The following CP variants were observed in gnomAD, a reference collection of about 807,000 sequenced individuals.
CP encodes caeruloplasmin.
Under a neutral mutation model 122.4 loss-of-function variants are expected in CP, and 64 were observed. The ratio of observed to expected loss-of-function variants is 0.52; its 90% confidence interval spans 0.43 to 0.64. The LOEUF is 0.64. Ranked by LOEUF, CP falls within the 30% of genes least tolerant of loss-of-function variation. CP has a pLI of 0.00. For synonymous variants in CP, 440 were observed against 436.4 expected (o/e 1.01, Z -0.10); for missense variants, 1,167 against 1,284.4 (o/e 0.91, Z 1.40).
Position 149,182,044 on chromosome 3 carries a change from C to T in CP, c.2515G>A (p.Val839Ile), listed in dbSNP as rs756179366. 7 of 1,492,498 alleles carry T rather than the reference C, an allele frequency of 4.7e-6. No individual in the cohort carries two copies. Among genetic ancestry groups the T allele is most frequent in the Non-Finnish European group, 6.3e-6 (7 of 1,108,032 alleles). 92.5% of individuals were successfully genotyped at this position (1,492,498 alleles called of 1,614,324 possible). ...GTAACTGTAGAACTCTCTGTTTGTA[C>T]CCCATGGGCATGTATTGAGTAGGGC... Reference protein sequence around the residue: ...TRPYSIHAHGVQTESSTVTPT... With the variant: ...TRPYSIHAHGIQTESSTVTPT... Residue 839 changes from valine to isoleucine, a missense_variant, in exon 14 of 19, where the codon GTA becomes ATA. Physicochemically the swap from Val to Ile is conservative, Grantham distance 29. Coordinates refer to ENST00000264613, the MANE Select transcript of CP (RefSeq NM_000096.4).
intron 12 of CP, among the ~76,000 whole-genome samples, chr3:149,184,547 G>C (rs1726025633): frequency 1.3e-5 from 2 of 152,146 alleles, no homozygotes; most frequent in South Asian, 4.1e-4. Flanking sequence ...TGTGGTCAGC[G>C]CATGATGTAA....
chr3:149,199,731 A>C lies in CP; in HGVS notation c.1482T>G (p.Asn494Lys), dbSNP rs1727170149. Residue 494 changes from asparagine (N) to lysine (K), a missense_variant, in exon 8 of 19, where the codon AAT becomes AAG. Around this residue, in one of 2 missense-constraint regions of CP, gnomAD observed 642 missense variants for 627.3 expected, o/e 1.02. Coordinates refer to ENST00000264613, the MANE Select transcript of CP (RefSeq NM_000096.4). ...KNNEGTYYSP[N>K]YNPQSRSVPP... is the part of the protein sequence containing the mutation. Reference sequence around the variant, plus strand: ...ACTCACTTCTGCTCTGGGGGTTGTAATTTGGGGAATAGTATGTGCCCTCGT... The same window carrying C: ...ACTCACTTCTGCTCTGGGGGTTGTACTTTGGGGAATAGTATGTGCCCTCGT... 6.2e-7 allele frequency: 1 copy of C among 1,614,030 alleles called. No homozygotes were observed. Among genetic ancestry groups the C allele is most frequent in the Admixed American group, 1.7e-5 (1 of 60,012 alleles).
intron 9 of CP, among the ~76,000 whole-genome samples, chr3:149,197,716 G>A (rs1271107031): frequency 3.3e-5 from 5 of 152,172 alleles, no homozygotes; most frequent in Admixed American, 2.6e-4. Flanking sequence ...AGATCATCAG[G>A]CATAAATTCT....
rs1012793502 is a variant in CP at position 149,214,972 on chromosome 3, C to T, written c.147-2274G>A. Among the ~76,000 whole-genome samples the T allele has an allele frequency of 2.0e-5, 3 of 152,274 alleles. No individual in the cohort carries two copies. In the East Asian group the frequency reaches 5.8e-4, roughly 29 times the overall value. On this transcript the variant is annotated intron_variant, in intron 1 of 18. Coordinates refer to ENST00000264613, the MANE Select transcript of CP (RefSeq NM_000096.4). The stretch of plus-strand genomic sequence containing the variant: ...CAATTCCACTCTGGTCCCACCGGAA[C>T]CCTGGACCAATCAATCTCACAGAGA...
intron 1 of CP, 103 bp downstream of exon 1, chr3:149,221,544 G>A: frequency 2.7e-6 from 3 of 1,109,890 alleles, no homozygotes; most frequent in Non-Finnish European, 3.8e-6. Context: ...ACATTTTGCA[G>A]TTTCTGTATA....
At chr3:149,168,432 A>G (rs1450007952), downstream of CP, 1 of 178,870 alleles carries the variant, frequency 5.6e-6, no homozygotes, top group African/African-American at 2.4e-5. Context: ...TTTACAGCAT[A>G]GTAGTTATTT....
intron 6 of CP, among the ~76,000 whole-genome samples, chr3:149,203,028 T>G (rs1403521349): frequency 1.4e-5 from 2 of 148,100 alleles, no homozygotes; most frequent in Admixed American, 6.8e-5. Context: ...TGCCTCAGCC[T>G]CCCGAGTAGC....
Position 149,209,203 on chromosome 3 carries a change from A to T in CP, c.781+8T>A. On this transcript the variant is annotated splice_region_variant and intron_variant, in intron 4 of 18. Coordinates refer to ENST00000264613, the MANE Select transcript of CP (RefSeq NM_000096.4). ...AAAGTAAAGTTAACATGTCTGCTGT[A>T]ATCTTACAATACATTCTGTTACTCT... is the stretch of plus-strand genomic sequence containing the variant. The T allele has an allele frequency of 6.2e-7, 1 of 1,613,534 alleles. No individual in the cohort carries two copies. Among genetic ancestry groups the T allele is most frequent in the East Asian group, 2.2e-5 (1 of 44,794 alleles).
At chr3:149,207,943 AAAC>A (rs952026582) in intron 4 of CP, among the ~76,000 whole-genome samples, 5 of 152,226 alleles carry the variant, frequency 3.3e-5, no homozygotes, top group African/African-American at 1.2e-4. Flanking sequence ...ACATACATAT[AAAC>A]AAAACACACA....
chr3:149,207,567 C>T lies in CP; in HGVS notation c.832G>A (p.Glu278Lys). Residue 278 changes from glutamate to lysine, a missense_variant, in exon 5 of 19, where the codon GAA becomes AAA. Glu to Lys is a moderately conservative substitution (Grantham distance 56). Coordinates refer to ENST00000264613, the MANE Select transcript of CP (RefSeq NM_000096.4). Reference sequence around the variant, plus strand: ...AAAAGGTACCATTTTACTCTGTCTTCAGCACACATGGAGAGTCCTGGGAGA... The same window carrying T: ...AAAAGGTACCATTTTACTCTGTCTTTAGCACACATGGAGAGTCCTGGGAGA... ...GSLPGLSMCA[E>K]DRVKWYLFGM... is the part of the protein sequence containing the mutation. 6.2e-7 allele frequency: 1 copy of T among 1,613,974 alleles called. No homozygotes were observed. Among genetic ancestry groups the T allele is most frequent in the South Asian group, 1.1e-5 (1 of 91,086 alleles).
chr3:149,202,908 CT>C (rs34145911), intron 6 of CP, among the ~76,000 whole-genome samples: 1,212 of 110,288 alleles, frequency 0.011, 24 homozygotes, highest in African/African-American at 0.035. Flanking sequence ...CATGCCTGGC[CT>C]TTTTTTTTTT....
Position 149,187,886 on chromosome 3 carries a change from T to C in CP, c.1864+166A>G, listed in dbSNP as rs1726278192. The C allele has an allele frequency of 5.7e-6, 4 of 705,786 alleles. No individual in the cohort carries two copies. In the East Asian group the frequency reaches 1.0e-4, roughly 18 times the overall value. 43.7% of individuals were successfully genotyped at this position (705,786 alleles called of 1,614,324 possible). ...TGAATTAAGTGAAATAATGGATAAC[T>C]GACAGACACATCAAATAACCAGTGA... On this transcript the variant is annotated intron_variant, in intron 10 of 18. Coordinates refer to ENST00000264613, the MANE Select transcript of CP (RefSeq NM_000096.4).
At chr3:149,220,755 G>A (rs974912608) in intron 1 of CP, among the ~76,000 whole-genome samples, 1 of 152,062 alleles carries the variant, frequency 6.6e-6, no homozygotes, top group Non-Finnish European at 1.5e-5. Context: ...GCAGCTGATG[G>A]TCATTGGGCT....
Position 149,212,664 on chromosome 3 carries a change from C to A in CP, c.181G>T (p.Asp61Tyr), listed in dbSNP as rs1576783306. The stretch of plus-strand genomic sequence containing the variant: ...TTCTTATATAGTCTCCCAATTCTAT[C>A]TGGGCCATTTTGAAGATAGATATTG... ...HSNIYLQNGP[D>Y]RIGRLYKKAL... Residue 61 changes from aspartate to tyrosine, a missense_variant, in exon 2 of 19, where the codon GAT becomes TAT. Asp to Tyr is a radical substitution (Grantham distance 160). Transcript: ENST00000264613. The A allele has an allele frequency of 8.1e-6, 13 of 1,613,832 alleles. No homozygotes were observed. The highest frequency in any genetic ancestry group is 1.0e-5 in the Non-Finnish European group (12 of 1,179,936).
chr3:149,220,692 T>C (rs1728753503), intron 1 of CP, among the ~76,000 whole-genome samples: 1 of 152,168 alleles, frequency 6.6e-6, no homozygotes, highest in African/African-American at 2.4e-5. Flanking sequence ...TAAGATTCAA[T>C]AATTACAAAC....
intron 18 of CP, among the ~76,000 whole-genome samples, chr3:149,175,667 G>GTGTGTGTGTGTGTT (rs1230199343): frequency 6.8e-6 from 1 of 147,324 alleles, no homozygotes; most frequent in Non-Finnish European, 1.5e-5. Flanking sequence ...CATTTTAAGT[G>GTGTGTGTGTGTGTT]TGTGTGTGTG....
chr3:149,164,181 A>G (rs1451412589), intron 5 of CP, among the ~76,000 whole-genome samples: 2 of 152,184 alleles, frequency 1.3e-5, no homozygotes, highest in African/African-American at 4.8e-5. Context: ...TGGATGAACG[A>G]ACTTCACCAA....
chr3:149,192,425 C>G (rs1337218509), intron 9 of CP, among the ~76,000 whole-genome samples: 1 of 151,448 alleles, frequency 6.6e-6, no homozygotes, highest in African/African-American at 2.4e-5. Flanking sequence ...AAGATACTGA[C>G]TAAACTGTAG....
At position 149,167,041 on chromosome 3, in the gene CP, T is replaced by C. The variant is rs1158481035; in HGVS notation, c.587-991A>G. The C allele has an allele frequency of 6.2e-7, 1 of 1,611,572 alleles. No homozygotes were observed. The highest frequency in any genetic ancestry group is 8.5e-7 in the Non-Finnish European group (1 of 1,177,844). ...TCACTTTTCTGTTCATAGTCTCTTA[T>C]ATGTGGTCCTTCATTTGACATAGCT... On this transcript the variant is annotated intron_variant, in intron 4 of 5. Transcript: ENST00000479771.
Sources: gnomAD v4.1 joint callset for allele counts (sites outside exome capture counted in the v4.1 genomes callset) on GRCh38, gnomAD v4.1.1 for gene constraint, gnomAD v4.1.1 regional missense constraint, MANE v1.5 for transcripts, NCBI Gene and HGNC (gene_info 2026-07-23, HGNC 2026-07-21) for gene names.